The following PDE12 variants were observed in gnomAD, a reference collection of about 807,000 sequenced individuals.
PDE12 encodes 2',5'-phosphodiesterase 12.
A neutral mutation model predicts 45.4 loss-of-function variants in PDE12; 26 were observed. The ratio of observed to expected loss-of-function variants is 0.57; its 90% confidence interval spans 0.42 to 0.79. The LOEUF is 0.79. Ranked by LOEUF, PDE12 falls within the 30% of genes least tolerant of loss-of-function variation. PDE12 has a pLI of 0.00. For synonymous variants in PDE12, 283 were observed against 323.9 expected (o/e 0.87, Z 1.36); for missense variants, 668 against 790.0 (o/e 0.85, Z 1.85).
the PDE12 span, among the ~76,000 whole-genome samples, chr3:57,645,439 C>T: frequency 2.0e-5 from 3 of 152,046 alleles, no homozygotes; most frequent in African/African-American, 4.8e-5. Context: ...CCAGCCTGGG[C>T]GACAGAGCAA....
At chr3:57,609,927 A>C in the PDE12 span, among the ~76,000 whole-genome samples, 7 of 152,122 alleles carry the variant, frequency 4.6e-5, no homozygotes, top group African/African-American at 1.7e-4. Flanking sequence ...CAGAGACACA[A>C]CAAAAAAAGA....
chr3:57,624,607 T>C, the PDE12 span, among the ~76,000 whole-genome samples: 1 of 151,518 alleles, frequency 6.6e-6, no homozygotes, highest in African/African-American at 2.4e-5. Flanking sequence ...CTACTAAAAA[T>C]ACAAAAATTA....
At chr3:57,597,408 C>G in the PDE12 span, 1 of 322,340 alleles carries the variant, frequency 3.1e-6, no homozygotes, top group Non-Finnish European at 5.8e-6. Flanking sequence ...GCGGCCGCGG[C>G]GACTCCAGCA....
the PDE12 span, among the ~76,000 whole-genome samples, chr3:57,605,841 ATGTC>A: frequency 3.3e-5 from 5 of 152,168 alleles, no homozygotes; most frequent in African/African-American, 9.6e-5. Flanking sequence ...AATAAAAACA[ATGTC>A]TGAGATGAAA....
chr3:57,573,371 G>A, the PDE12 span, among the ~76,000 whole-genome samples: 1 of 152,010 alleles, frequency 6.6e-6, no homozygotes, highest in African/African-American at 2.4e-5. Flanking sequence ...AAAAAACCTA[G>A]AAAACAATTT....
At chr3:57,567,061 GC>G (rs950033296), downstream of PDE12, among the ~76,000 whole-genome samples, 9 of 152,138 alleles carry the variant, frequency 5.9e-5, no homozygotes, top group African/African-American at 2.2e-4. Flanking sequence ...TGTAATCCTA[GC>G]ACTTTGGGAG....
chr3:57,629,811 T>C, the PDE12 span, among the ~76,000 whole-genome samples: 2 of 152,106 alleles, frequency 1.3e-5, no homozygotes, highest in African/African-American at 4.8e-5. Flanking sequence ...CGTGAGCCAC[T>C]GCACCCGGCC....
the PDE12 span, among the ~76,000 whole-genome samples, chr3:57,617,868 G>C: frequency 1.4e-5 from 2 of 146,270 alleles, no homozygotes; most frequent in Non-Finnish European, 3.0e-5. Context: ...GTGAGACTCT[G>C]CCTTAAAAAA....
Position 57,557,050 on chromosome 3 carries a change from C to T in PDE12, c.671C>T (p.Ser224Phe). The change falls in exon 1 of 3, where the codon TCT becomes TTT. Residue 224 changes from serine (S) to phenylalanine (F), a missense_variant. By Grantham distance (155) the Ser-to-Phe change is radical (BLOSUM62 -2). Transcript: ENST00000311180. ...SSLSPSSPSS[S>F]WTETDVEERV... ...TTGTCTCCCTCCTCACCTTCTTCTTCTTGGACTGAGACTGATGTGGAGGAG... is the reference window on the plus strand; with the variant it reads ...TTGTCTCCCTCCTCACCTTCTTCTTTTTGGACTGAGACTGATGTGGAGGAG... The T allele has an allele frequency of 9.9e-6, 16 of 1,614,072 alleles. No homozygotes were observed. Among genetic ancestry groups the T allele is most frequent in the Admixed American group, 1.7e-5 (1 of 60,004 alleles).
chr3:57,648,942 C>G, the PDE12 span, among the ~76,000 whole-genome samples: 1 of 152,116 alleles, frequency 6.6e-6, no homozygotes, highest in Admixed American at 6.5e-5. Context: ...AAAAACCCAT[C>G]CAGGCATAAA....
the PDE12 span, among the ~76,000 whole-genome samples, chr3:57,615,523 T>C: frequency 6.6e-6 from 1 of 151,920 alleles, no homozygotes; most frequent in African/African-American, 2.4e-5. Flanking sequence ...GTCTGTGAAA[T>C]TGAAAGAAAA....
At chr3:57,630,633 A>T in the PDE12 span, 2 of 1,537,506 alleles carry the variant, frequency 1.3e-6, no homozygotes, top group Non-Finnish European at 1.8e-6. Flanking sequence ...TTTTTTAAAA[A>T]GAATAAGCTT....
chr3:57,648,614 C>G, the PDE12 span, among the ~76,000 whole-genome samples: 1 of 152,230 alleles, frequency 6.6e-6, no homozygotes, highest in African/African-American at 2.4e-5. Context: ...TGCCTTCAAA[C>G]TACACTGTAA....
Position 57,556,867 on chromosome 3 carries a change from C to T in PDE12, c.488C>T (p.Ala163Val). The change falls in exon 1 of 3, where the codon GCC (alanine) becomes GTC (valine). Residue 163 changes from alanine to valine, a missense_variant. Transcript: ENST00000311180. This position sits in a 1 kb window ranked among gnomAD's most constrained non-coding sequence, Gnocchi z 5.0. Reference protein sequence around the residue: ...VKYKVERNPPAFTELQLPRYI... With the variant: ...VKYKVERNPPVFTELQLPRYI... Reference sequence around the variant, plus strand: ...TACAAGGTGGAGCGCAACCCGCCCGCCTTCACCGAACTGCAGTTGCCGCGC... The same window carrying T: ...TACAAGGTGGAGCGCAACCCGCCCGTCTTCACCGAACTGCAGTTGCCGCGC... 1 of 1,614,108 alleles carries T rather than the reference C, an allele frequency of 6.2e-7. No individual in the cohort carries two copies. Among genetic ancestry groups the T allele is most frequent in the Non-Finnish European group, 8.5e-7 (1 of 1,180,040 alleles).
the PDE12 span, among the ~76,000 whole-genome samples, chr3:57,591,223 G>A: frequency 6.6e-6 from 1 of 151,994 alleles, no homozygotes. Flanking sequence ...ATTTATCAGA[G>A]AATTTAAAAC....
the PDE12 span, among the ~76,000 whole-genome samples, chr3:57,579,728 G>A: frequency 6.6e-6 from 1 of 152,062 alleles, no homozygotes; most frequent in African/African-American, 2.4e-5. Flanking sequence ...CTTTATCTCT[G>A]TTGGAAACCA....
rs2069745191 is a variant in PDE12, at chr3:57,563,237, T to G, written c.*3233T>G. 6.6e-6 allele frequency: 1 copy of G among 152,314 alleles called. No homozygotes were observed. Among genetic ancestry groups the G allele is most frequent in the Non-Finnish European group, 1.5e-5 (1 of 68,018 alleles). 9.4% of individuals were successfully genotyped at this position (152,314 alleles called of 1,614,324 possible). On this transcript the variant is annotated 3_prime_UTR_variant, in exon 3 of 3. Coordinates refer to ENST00000311180, the MANE Select transcript of PDE12 (RefSeq NM_177966.7). Reference sequence around the variant, plus strand: ...CCCAGGCTGGAGTGCAGTGGTGCAGTCATAACTTACTACAGCCTCAAACTG... The same window carrying G: ...CCCAGGCTGGAGTGCAGTGGTGCAGGCATAACTTACTACAGCCTCAAACTG...
intron 2 of PDE12, 32 bp from the exon 3 acceptor site, chr3:57,559,530 A>T (rs1241669881): frequency 6.4e-7 from 1 of 1,572,054 alleles, no homozygotes; most frequent in Non-Finnish European, 8.6e-7. Context: ...AACTTTAAAA[A>T]ATACTTACAT....
At chr3:57,579,161 C>G in the PDE12 span, among the ~76,000 whole-genome samples, 2 of 131,964 alleles carry the variant, frequency 1.5e-5, no homozygotes, top group African/African-American at 5.7e-5. Flanking sequence ...GGTGGCACAC[C>G]TGTAATCCCA....
Sources: allele counts gnomAD v4.1 joint callset (sites outside exome capture counted in the v4.1 genomes callset), GRCh38; gene constraint gnomAD v4.1.1; non-coding constraint Gnocchi (gnomAD v3.1); transcripts MANE v1.5; gene names NCBI Gene and HGNC (gene_info 2026-07-23, HGNC 2026-07-21).